The following AMPH variants were observed in gnomAD, a reference collection of about 807,000 sequenced individuals.
AMPH encodes amphiphysin (Stiff-Mann syndrome with breast cancer 128kD autoantigen).
AMPH carries 49 observed loss-of-function variants against 99.1 expected under a neutral mutation model. The ratio of observed to expected loss-of-function variants is 0.49; its 90% CI spans 0.39 to 0.63. The LOEUF is 0.63. Among genes scored for constraint, AMPH ranks in the 20% least tolerant of loss-of-function variants. The pLI is 0.00. For synonymous variants in AMPH, 314 were observed against 317.3 expected, an observed-to-expected ratio of 0.99 and a Z score of 0.11; for missense variants, 759 against 863.4, an observed-to-expected ratio of 0.88 and a Z score of 1.52.
At chr7:38,449,398 A>G (rs1786919405) in intron 11 of AMPH, among the ~76,000 whole-genome samples, 1 of 152,200 alleles carries the variant, frequency 6.6e-6, no homozygotes, top group Non-Finnish European at 1.5e-5. Flanking sequence ...AAGTAGGACT[A>G]ATGACATGTA....
At chr7:38,525,512 G>T (rs972848522) in intron 2 of AMPH, among the ~76,000 whole-genome samples, 22 of 148,180 alleles carry the variant, frequency 1.5e-4, no homozygotes, top group African/African-American at 5.3e-4. Context: ...CACATGTGTA[G>T]GTTCATGTAT....
intron 5 of AMPH, among the ~76,000 whole-genome samples, chr7:38,485,404 G>T (rs1440751984): frequency 6.6e-6 from 1 of 151,778 alleles, no homozygotes; most frequent in African/African-American, 2.4e-5. Context: ...TGATAAAAAG[G>T]TCAGTCCCTC....
chr7:38,471,257 C>T (rs1787874577), intron 7 of AMPH, among the ~76,000 whole-genome samples: 1 of 152,172 alleles, frequency 6.6e-6, no homozygotes, highest in South Asian at 2.1e-4. Context: ...TATTCATACT[C>T]TATGTCAGCC....
chr7:38,465,540 T>C lies in AMPH; in HGVS notation c.676A>G (p.Lys226Glu). Reference protein sequence around the residue: ...FHKEIAVLCHKLYEVMTKLGD... With the variant: ...FHKEIAVLCHELYEVMTKLGD... ...AGTTTTGTCATCACTTCATACAGTT[T>C]GTGGCAAAGCTAAGGGGACAGAGGC... The change falls in exon 9 of 21, where the codon AAA (lysine) becomes GAA (glutamate). Residue 226 changes from lysine (K) to glutamate (E), a missense_variant. Physicochemically the swap from Lys to Glu is moderately conservative, Grantham distance 56. Coordinates refer to ENST00000356264, the MANE Select transcript of AMPH (RefSeq NM_001635.4). The C allele has an allele frequency of 6.3e-7, 1 of 1,581,524 alleles. No homozygotes were observed. Among genetic ancestry groups the C allele is most frequent in the Non-Finnish European group, 8.6e-7 (1 of 1,161,826 alleles).
chr7:38,511,029 GTTAC>G (rs1298741563), intron 2 of AMPH, among the ~76,000 whole-genome samples: 2 of 152,122 alleles, frequency 1.3e-5, no homozygotes, highest in African/African-American at 4.8e-5. Context: ...CTTGGGGCAA[GTTAC>G]TTAATCTCTC....
intron 11 of AMPH, among the ~76,000 whole-genome samples, chr7:38,455,037 A>T (rs773496032): frequency 1.3e-5 from 2 of 152,130 alleles, no homozygotes; most frequent in Admixed American, 6.5e-5. Flanking sequence ...AAAGGGCACT[A>T]GTGGTCATGT....
At chr7:38,406,922 C>A (rs1260598703) in intron 17 of AMPH, among the ~76,000 whole-genome samples, 1 of 149,002 alleles carries the variant, frequency 6.7e-6, no homozygotes, top group Non-Finnish European at 1.5e-5. Context: ...CAGACTTAGG[C>A]TGAGCCTTGC....
In AMPH at chr7:38,614,540, G is replaced by A. The variant is rs140152591; in HGVS notation, c.69+16743C>T. ...TGGAGAAATCGGCCCTTTGCCAATT[G>A]GTAGAGCACATGCATCCAGGCTTTG... On this transcript the variant is annotated intron_variant, in intron 1 of 20. Transcript: ENST00000356264. Among the ~76,000 whole-genome samples, 33 of 152,286 alleles carry A rather than the reference G, an allele frequency of 2.2e-4. 1 individual carries two copies. The highest frequency in any genetic ancestry group is 1.2e-3 in the East Asian group (6 of 5,188).
rs750325763 is a variant in AMPH at position 38,391,968 on chromosome 7, T to C, written c.1658A>G (p.Glu553Gly). Residue 553 changes from glutamate to glycine, a missense_variant, in exon 19 of 21, where the codon GAG becomes GGG. Glu to Gly is a moderately conservative substitution (Grantham distance 98, BLOSUM62 -2). This residue lies in a region of AMPH where 554 missense variants were observed against 575.6 expected (regional missense o/e 0.96). Coordinates refer to ENST00000356264, the MANE Select transcript of AMPH (RefSeq NM_001635.4). ...TATAGTTATTTCGTTTTCTCCTTCCTCTTCATGGTTGGAGGCAGGCTCTAT... is the reference window on the plus strand; with the variant it reads ...TATAGTTATTTCGTTTTCTCCTTCCCCTTCATGGTTGGAGGCAGGCTCTAT... ...VVIEPASNHE[E>G]EGENEITIGA... 2 of 1,610,568 alleles carry C rather than the reference T, an allele frequency of 1.2e-6. No individual in the cohort carries two copies. Among genetic ancestry groups the C allele is most frequent in the Non-Finnish European group, 1.7e-6 (2 of 1,179,990 alleles).
At chr7:38,520,776 T>C (rs1789926554) in intron 2 of AMPH, among the ~76,000 whole-genome samples, 1 of 152,154 alleles carries the variant, frequency 6.6e-6, no homozygotes, top group African/African-American at 2.4e-5. Flanking sequence ...GGCAGTCAAA[T>C]CATATGGAAG....
At chr7:38,393,911 A>AG in intron 18 of AMPH, 94 bp downstream of exon 18, 1 of 1,181,020 alleles carries the variant, frequency 8.5e-7, no homozygotes, top group Non-Finnish European at 1.2e-6. Context: ...AACCTATTAT[A>AG]CATCCAAAGA....
intron 15 of AMPH, among the ~76,000 whole-genome samples, chr7:38,424,615 G>T (rs1785716193): frequency 6.6e-6 from 1 of 151,580 alleles, no homozygotes; most frequent in African/African-American, 2.4e-5. Flanking sequence ...ATATGAAAAA[G>T]AGAAGTGTTA....
chr7:38,497,089 T>C (rs1225339626), intron 3 of AMPH, among the ~76,000 whole-genome samples: 13 of 152,150 alleles, frequency 8.5e-5, no homozygotes, highest in Admixed American at 8.5e-4. Flanking sequence ...CATTTTGACA[T>C]GGAAATTGTT....
intron 17 of AMPH, among the ~76,000 whole-genome samples, chr7:38,407,822 A>G (rs1012880737): frequency 3.3e-5 from 5 of 152,214 alleles, no homozygotes; most frequent in African/African-American, 7.2e-5. Flanking sequence ...CTACAGGACC[A>G]CTGAATTCAA....
chr7:38,475,951 A>G (rs1788065069), intron 6 of AMPH, among the ~76,000 whole-genome samples: 2 of 152,248 alleles, frequency 1.3e-5, no homozygotes, highest in African/African-American at 4.8e-5. Context: ...ATGGAATTCC[A>G]GCTTACCATG....
chr7:38,467,034 T>C (rs753575245), intron 7 of AMPH, among the ~76,000 whole-genome samples: 12 of 152,246 alleles, frequency 7.9e-5, no homozygotes, highest in Non-Finnish European at 1.8e-4. Flanking sequence ...CATAAATACA[T>C]GTGCATATAC....
intron 1 of AMPH, among the ~76,000 whole-genome samples, chr7:38,592,555 A>AC (rs1792894520): frequency 6.6e-6 from 1 of 152,038 alleles, no homozygotes; most frequent in African/African-American, 2.4e-5. Flanking sequence ...ATATGGTGAA[A>AC]CCCTGTCTCT....
At chr7:38,467,617 CTATT>C (rs944861679) in intron 7 of AMPH, among the ~76,000 whole-genome samples, 1 of 147,258 alleles carries the variant, frequency 6.8e-6, no homozygotes, top group African/African-American at 2.5e-5. Context: ...AGGGGCTGCT[CTATT>C]TATACTTACA....
intron 1 of AMPH, among the ~76,000 whole-genome samples, chr7:38,556,417 T>C (rs994139837): frequency 6.6e-6 from 1 of 152,044 alleles, no homozygotes; most frequent in Non-Finnish European, 1.5e-5. Flanking sequence ...ACAGCTGAGA[T>C]GGGGTTTCAG....
Sources: allele counts gnomAD v4.1 joint callset (sites outside exome capture counted in the v4.1 genomes callset), GRCh38; gene constraint gnomAD v4.1.1; regional missense constraint gnomAD v4.1.1; transcripts MANE v1.5; gene names NCBI Gene and HGNC (gene_info 2026-07-23, HGNC 2026-07-21).